The following CADM2 variants were observed in gnomAD, a reference collection of about 807,000 sequenced individuals.
CADM2 encodes immunoglobulin superfamily member 4D.
CADM2 carries 12 observed loss-of-function variants against 49.8 expected under a neutral mutation model. The observed-to-expected ratio is 0.24, with a 90% CI of 0.15 to 0.39. The LOEUF is 0.39. Ranked by LOEUF, CADM2 falls within the 10% of genes least tolerant of loss-of-function variation. CADM2 has a pLI of 1.00. For missense variants in CADM2, 378 were observed against 492.3 expected, an observed-to-expected ratio of 0.77 and a Z score of 2.20; for synonymous variants, 214 against 175.4, an observed-to-expected ratio of 1.22 and a Z score of -1.74.
At chr3:85,362,354 T>C (rs956555404) in intron 1 of CADM2, among the ~76,000 whole-genome samples, 23 of 152,210 alleles carry the variant, frequency 1.5e-4, no homozygotes, top group African/African-American at 5.3e-4. Context: ...ACATCCTTTT[T>C]GAGAAAATTG....
At chr3:85,596,434 A>G (rs1275466546) in intron 1 of CADM2, among the ~76,000 whole-genome samples, 1 of 152,138 alleles carries the variant, frequency 6.6e-6, no homozygotes, top group South Asian at 2.1e-4. Context: ...AAAACAAAGC[A>G]TATGCTGTTT....
At chr3:85,698,397 C>CT (rs538680222) in intron 1 of CADM2, among the ~76,000 whole-genome samples, 173 of 152,222 alleles carry the variant, frequency 1.1e-3, no homozygotes, top group Middle Eastern at 3.4e-3. Context: ...TGTTAGTCCA[C>CT]TTTTTTCATT....
At position 86,066,727 on chromosome 3, in the gene CADM2, A is replaced by G; in HGVS notation, c.1159A>G (p.Ile387Val). 6.2e-7 allele frequency: 1 copy of G among 1,614,144 alleles called. No homozygotes were observed. The highest frequency in any genetic ancestry group is 8.5e-7 in the Non-Finnish European group (1 of 1,179,960). ...EDAPDADTAIINAEGSQVNAE... is the reference protein window; with the variant it reads ...EDAPDADTAIVNAEGSQVNAE... The stretch of plus-strand genomic sequence containing the variant: ...TGCACCAGATGCTGATACAGCCATT[A>G]TCAATGCTGAAGGCAGCCAAGTCAA... Residue 387 changes from isoleucine to valine, a missense_variant, in exon 10 of 10, where the codon ATC becomes GTC. Transcript: ENST00000383699.
intron 7 of CADM2, 103 bp from the exon 8 acceptor site, chr3:85,961,366 G>A: frequency 1.0e-6 from 1 of 956,228 alleles, no homozygotes; most frequent in Non-Finnish European, 1.5e-6. Flanking sequence ...GCATATGGTT[G>A]TGTACAAAAT....
chr3:85,980,167 A>G lies in CADM2; in HGVS notation c.970+18520A>G, dbSNP rs1297582358. On this transcript the variant is annotated intron_variant, in intron 8 of 9. Transcript: ENST00000383699. The stretch of plus-strand genomic sequence containing the variant: ...TTTTCTTATTTCTTATATATGTTTC[A>G]TGTCACCTTGGCTCTACTAATATCT... 3.3e-5 allele frequency among the ~76,000 whole-genome samples: 5 copies of G among 151,512 alleles called. No homozygotes were observed. The Admixed American group carries it at 3.3e-4, about 10-fold the overall frequency.
chr3:85,486,664 G>C (rs1412879633), intron 1 of CADM2, among the ~76,000 whole-genome samples: 2 of 151,854 alleles, frequency 1.3e-5, no homozygotes, highest in African/African-American at 4.8e-5. Context: ...CAACAGATTT[G>C]ATTATCCTGT....
chr3:85,296,845 C>A (rs963083757), intron 1 of CADM2, among the ~76,000 whole-genome samples: 4 of 152,084 alleles, frequency 2.6e-5, no homozygotes, highest in African/African-American at 9.7e-5. Context: ...ATACAAGTTG[C>A]AAATACCTTG....
At chr3:85,225,980 C>T (rs567109202) in intron 1 of CADM2, among the ~76,000 whole-genome samples, 19 of 152,228 alleles carry the variant, frequency 1.2e-4, no homozygotes, top group African/African-American at 4.3e-4. Flanking sequence ...AAGCTTTCTG[C>T]GGTGCTGGTG....
chr3:85,699,186 G>A (rs2066668171), intron 1 of CADM2, among the ~76,000 whole-genome samples: 1 of 152,266 alleles, frequency 6.6e-6, no homozygotes, highest in Middle Eastern at 3.4e-3. Flanking sequence ...CCAAAGCCTT[G>A]GACAGCTCTG....
intron 1 of CADM2, among the ~76,000 whole-genome samples, chr3:85,601,016 C>A (rs969291753): frequency 6.0e-5 from 9 of 149,818 alleles, no homozygotes; most frequent in African/African-American, 2.2e-4. Context: ...CCATATAAAT[C>A]ATTGCCTCCA....
At chr3:85,834,209 G>T (rs2074306648) in intron 3 of CADM2, among the ~76,000 whole-genome samples, 1 of 151,422 alleles carries the variant, frequency 6.6e-6, no homozygotes, top group South Asian at 2.1e-4. Context: ...CTTAAAAAGA[G>T]AAAAAAATTA....
chr3:85,586,896 G>A (rs1406557052), intron 1 of CADM2, among the ~76,000 whole-genome samples: 2 of 152,046 alleles, frequency 1.3e-5, no homozygotes, highest in Non-Finnish European at 2.9e-5. Context: ...ACTTGGTAAG[G>A]ACTTAACTTT....
chr3:85,998,524 G>A (rs894229778), intron 8 of CADM2, among the ~76,000 whole-genome samples: 1 of 152,052 alleles, frequency 6.6e-6, no homozygotes, highest in Admixed American at 6.6e-5. Context: ...AATCATAAAA[G>A]GTAAGCAGTC....
chr3:85,645,409 A>G (rs1437866530), intron 1 of CADM2, among the ~76,000 whole-genome samples: 1 of 152,056 alleles, frequency 6.6e-6, no homozygotes, highest in African/African-American at 2.4e-5. Flanking sequence ...CATTTTAAAC[A>G]CATTAGACTT....
chr3:85,197,189 G>A (rs1183487681), intron 1 of CADM2, among the ~76,000 whole-genome samples: 1 of 151,496 alleles, frequency 6.6e-6, no homozygotes, highest in Admixed American at 6.6e-5. Context: ...TTGAGTTATT[G>A]AACAAAATGG....
intron 1 of CADM2, among the ~76,000 whole-genome samples, chr3:85,154,677 G>A (rs2040045240): frequency 6.7e-6 from 1 of 149,822 alleles, no homozygotes; most frequent in Non-Finnish European, 1.5e-5. Context: ...AAATGTTAAG[G>A]GCAGCCAGAG....
At chr3:85,522,215 T>C (rs1355441800) in intron 1 of CADM2, among the ~76,000 whole-genome samples, 1 of 152,146 alleles carries the variant, frequency 6.6e-6, no homozygotes. Flanking sequence ...GCCTTCCCTT[T>C]AGTTTGTTCA....
chr3:85,049,615 G>T (rs1359571620), intron 1 of CADM2, among the ~76,000 whole-genome samples: 2 of 144,030 alleles, frequency 1.4e-5, no homozygotes, highest in African/African-American at 4.9e-5. Flanking sequence ...CTCCCTAAGT[G>T]CTGGAATTAC....
chr3:85,705,848 C>A (rs1190987584), intron 1 of CADM2, among the ~76,000 whole-genome samples: 1 of 152,104 alleles, frequency 6.6e-6, no homozygotes, highest in African/African-American at 2.4e-5. Flanking sequence ...TATGGATTTT[C>A]CCCCTCACCG....
Sources: gnomAD v4.1 joint callset for allele counts (sites outside exome capture counted in the v4.1 genomes callset) on GRCh38, gnomAD v4.1.1 for gene constraint, MANE v1.5 for transcripts, NCBI Gene and HGNC (gene_info 2026-07-23, HGNC 2026-07-21) for gene names.